Variants in KIAA0586 observed in about 807,000 individuals in gnomAD.
The protein encoded by KIAA0586 is KIAA0586.
In KIAA0586, 144 loss-of-function variants were observed where a neutral mutation model predicts 169.8. That is an observed-to-expected ratio of 0.85 (90% CI 0.74 to 0.97). The LOEUF (loss-of-function observed/expected upper bound fraction) is 0.97, where lower values mean the gene tolerates loss of function less well. Among genes scored for constraint, KIAA0586 ranks in the 50% least tolerant of loss-of-function variants. KIAA0586 has a pLI of 0.00. For missense variants in KIAA0586, 1,854 were observed against 1,823.0 expected, an observed-to-expected ratio of 1.02 and a Z score of -0.31; for synonymous variants, 625 against 612.4, an observed-to-expected ratio of 1.02 and a Z score of -0.30.
upstream of KIAA0586, chr14:58,427,674 G>A: frequency 6.5e-7 from 1 of 1,535,634 alleles, no homozygotes; most frequent in Non-Finnish European, 8.7e-7. Context: ...TGTGTCTCAA[G>A]GGCGGGTTTG....
intron 23 of KIAA0586, 60 bp from the exon 24 acceptor site, chr14:58,488,561 C>A: frequency 1.3e-6 from 2 of 1,554,898 alleles, no homozygotes; most frequent in East Asian, 2.3e-5. Flanking sequence ...TTTTTTATAT[C>A]AAAATGAATA....
chr14:58,545,403 C>T (rs1317634599), intron 30 of KIAA0586, among the ~76,000 whole-genome samples: 1 of 152,020 alleles, frequency 6.6e-6, no homozygotes. Flanking sequence ...ATTTTATGCA[C>T]AAAGTAGAAA....
chr14:58,493,441 C>G (rs1239757739), intron 26 of KIAA0586, among the ~76,000 whole-genome samples: 1 of 152,052 alleles, frequency 6.6e-6, no homozygotes, highest in Non-Finnish European at 1.5e-5. Context: ...GGAGCTGGGA[C>G]TAGGATTCTT....
chr14:58,548,593 A>G lies in KIAA0586; in HGVS notation c.*661A>G, dbSNP rs990070088. 3 of 152,186 alleles carry G rather than the reference A, an allele frequency of 2.0e-5. No homozygotes were observed. Among genetic ancestry groups the G allele is most frequent in the Admixed American group, 2.0e-4 (3 of 15,272 alleles). The allele number at this position is 152,186 out of a possible 1,614,324, so 9.4% of individuals were successfully genotyped here. A position where few individuals can be genotyped will look rare whatever the true frequency, so the allele number is the denominator to read the frequency against. On this transcript the variant is annotated 3_prime_UTR_variant, in exon 31 of 31. Transcript: ENST00000652326. Reference sequence around the variant, plus strand: ...ACTGCTAAGTTTGTCTCCAGGGAGTAGAATTGTTGGCTGGGTGATAGGAGA... The same window carrying G: ...ACTGCTAAGTTTGTCTCCAGGGAGTGGAATTGTTGGCTGGGTGATAGGAGA...
rs1482447369 is a variant in KIAA0586 at position 58,442,816 on chromosome 14, A to T, written c.521A>T (p.Asp174Val). 4 of 1,610,426 alleles carry T rather than the reference A, an allele frequency of 2.5e-6. No individual in the cohort carries two copies. The highest frequency in any genetic ancestry group is 3.4e-6 in the Non-Finnish European group (4 of 1,178,172). ...ACTAGAATTTCACCCAGTGGAATTG[A>T]TTCAGCTACAACCGTGGCTGCAGCA... is the stretch of plus-strand genomic sequence containing the variant. ...QETRISPSGIDSATTVAAATA... is the reference protein window; with the variant it reads ...QETRISPSGIVSATTVAAATA... The change falls in exon 5 of 31, where the codon GAT becomes GTT. Residue 174 changes from aspartate to valine, a missense_variant. Coordinates refer to ENST00000652326, the MANE Select transcript of KIAA0586 (RefSeq NM_001329943.3).
intron 4 of KIAA0586, among the ~76,000 whole-genome samples, chr14:58,438,722 G>T (rs1286313537): frequency 6.6e-6 from 1 of 152,166 alleles, no homozygotes; most frequent in Non-Finnish European, 1.5e-5. Flanking sequence ...TAGAAGAACA[G>T]GCTTCTTGAA....
chr14:58,476,668 CTTTTT>C (rs10666323), intron 19 of KIAA0586, among the ~76,000 whole-genome samples: 1 of 131,642 alleles, frequency 7.6e-6, no homozygotes, highest in Non-Finnish European at 1.6e-5. Context: ...TTCAGAGGTA[CTTTTT>C]TTTTTTTTTT....
intron 22 of KIAA0586, 80 bp from the exon 23 acceptor site, chr14:58,487,807 T>A: frequency 2.5e-6 from 2 of 811,796 alleles, no homozygotes; most frequent in Admixed American, 2.5e-5. Context: ...AAGGGATATC[T>A]GAAGCAATGT....
At chr14:58,455,671 CGT>C (rs113621863) in intron 9 of KIAA0586, among the ~76,000 whole-genome samples, 5,831 of 149,878 alleles carry the variant, frequency 0.039, 148 homozygotes, top group Non-Finnish European at 0.058. Context: ...CCATGGATTA[CGT>C]GTGTGTGTGT....
chr14:58,451,781 T>A (rs1044185419), intron 8 of KIAA0586, among the ~76,000 whole-genome samples: 18 of 151,960 alleles, frequency 1.2e-4, no homozygotes, highest in Admixed American at 6.6e-5. Context: ...CCTCCTAGGT[T>A]CAAGCGATTC....
chr14:58,555,015 G>A (rs2047234672), downstream of KIAA0586, among the ~76,000 whole-genome samples: 1 of 151,784 alleles, frequency 6.6e-6, no homozygotes, highest in South Asian at 2.1e-4. Flanking sequence ...TCACTGAATA[G>A]AAGTAGGAAT....
At chr14:58,516,726 TTATACTA>T (rs2044784410) in intron 29 of KIAA0586, among the ~76,000 whole-genome samples, 1 of 152,122 alleles carries the variant, frequency 6.6e-6, no homozygotes, top group African/African-American at 2.4e-5. Context: ...AGTTGGAAGA[TTATACTA>T]TATAACTCTA....
At position 58,548,214 on chromosome 14, in the gene KIAA0586, G is replaced by T. The variant is rs1415398614; in HGVS notation, c.*282G>T. On this transcript the variant is annotated 3_prime_UTR_variant, in exon 31 of 31. Coordinates refer to ENST00000652326, the MANE Select transcript of KIAA0586 (RefSeq NM_001329943.3). ...TTGACATCTAGGCATTTAATCTATA[G>T]GTGTAATTATCTGTATGTATTTATA... 3 of 304,198 alleles carry T rather than the reference G, an allele frequency of 9.9e-6. No homozygotes were observed. The highest frequency in any genetic ancestry group is 5.8e-5 in the East Asian group (1 of 17,248). The allele number at this position is 304,198 out of a possible 1,614,324, so 18.8% of individuals were successfully genotyped here. A position where few individuals can be genotyped will look rare whatever the true frequency, so the allele number is the denominator to read the frequency against.
chr14:58,482,276 A>G (rs905027961), intron 20 of KIAA0586, among the ~76,000 whole-genome samples: 12 of 151,894 alleles, frequency 7.9e-5, no homozygotes, highest in Non-Finnish European at 1.3e-4. Flanking sequence ...AAATACAAAA[A>G]TTAGCCAGGC....
At chr14:58,536,635 A>AG (rs1224209651) in intron 29 of KIAA0586, among the ~76,000 whole-genome samples, 1 of 152,198 alleles carries the variant, frequency 6.6e-6, no homozygotes, top group African/African-American at 2.4e-5. Flanking sequence ...TATTGAAATA[A>AG]GGGGGGTATT....
At chr14:58,523,303 A>G (rs2045351562) in intron 29 of KIAA0586, among the ~76,000 whole-genome samples, 1 of 152,160 alleles carries the variant, frequency 6.6e-6, no homozygotes, top group South Asian at 2.1e-4. Context: ...CTGTGTATGG[A>G]GAGCTTGGGT....
Position 58,437,416 on chromosome 14 carries a change from A to G in KIAA0586, c.410+4959A>G, listed in dbSNP as rs145693589. Among the ~76,000 whole-genome samples, 105 of 152,212 alleles carry G rather than the reference A, an allele frequency of 6.9e-4. 1 individual carries two copies. The highest frequency in any genetic ancestry group is 6.8e-3 in the Middle Eastern group (2 of 294). ...TAAGAAGTGTTCAGGAGAAAATGGA[A>G]TATAAAGGTCAAGTTGCCAGACAGT... is the stretch of plus-strand genomic sequence containing the variant. On this transcript the variant is annotated intron_variant, in intron 4 of 30. Coordinates refer to ENST00000652326, the MANE Select transcript of KIAA0586 (RefSeq NM_001329943.3).
intron 21 of KIAA0586, among the ~76,000 whole-genome samples, chr14:58,484,368 T>C (rs2042227636): frequency 6.6e-6 from 1 of 152,130 alleles, no homozygotes; most frequent in Admixed American, 6.6e-5. Flanking sequence ...AAAAATATTG[T>C]TGAGATTTCA....
intron 29 of KIAA0586, chr14:58,521,196 T>G: frequency 1.2e-6 from 1 of 815,776 alleles, no homozygotes; most frequent in Admixed American, 2.4e-5. Context: ...ATTTTTGGCT[T>G]TGTGAGAAGC....
Sources: gnomAD v4.1 joint callset for allele counts (sites outside exome capture counted in the v4.1 genomes callset) on GRCh38, gnomAD v4.1.1 for gene constraint, MANE v1.5 for transcripts, NCBI Gene and HGNC (gene_info 2026-07-23, HGNC 2026-07-21) for gene names.